Variants in SH3BGRL2 observed in about 807,000 individuals in gnomAD.
SH3BGRL2 encodes the protein SH3 domain binding glutamate rich protein like 2, also known as SH3 domain-binding glutamic acid-rich-like protein 2.
SH3BGRL2 carries 21 observed loss-of-function variants against 14.8 expected under a neutral mutation model. The observed-to-expected ratio is 1.42, with a 90% CI of 1.01 to 2.05. The LOEUF (loss-of-function observed/expected upper bound fraction) is 2.05. Among genes scored for constraint, SH3BGRL2 ranks in the 30% most tolerant of loss-of-function variants. The pLI is 0.00. For missense variants in SH3BGRL2, 147 were observed against 130.8 expected (o/e 1.12, Z -0.61); for synonymous variants, 50 against 47.8 (o/e 1.05, Z -0.19).
the SH3BGRL2 span, among the ~76,000 whole-genome samples, chr6:79,586,286 G>A: frequency 1.9e-4 from 11 of 56,886 alleles, no homozygotes; most frequent in Non-Finnish European, 3.3e-5. Flanking sequence ...GTTAATGTTA[G>A]TGTATTTTAC....
the SH3BGRL2 span, among the ~76,000 whole-genome samples, chr6:79,547,817 C>T: frequency 2.6e-5 from 4 of 152,184 alleles, no homozygotes; most frequent in Admixed American, 6.5e-5. Flanking sequence ...TAATACCCTA[C>T]TAAGCTGAGA....
the SH3BGRL2 span, among the ~76,000 whole-genome samples, chr6:79,572,442 T>TTTTTA: frequency 5.0e-3 from 761 of 151,010 alleles, 6 homozygotes; most frequent in African/African-American, 0.015. Flanking sequence ...ATGGCATCTA[T>TTTTTA]TTTTATTTTA....
chr6:79,673,937 G>A (rs1769829875), intron 2 of SH3BGRL2, 138 bp downstream of exon 2: 11 of 881,310 alleles, frequency 1.2e-5, no homozygotes, highest in South Asian at 8.8e-5. Context: ...TCTAACAGAG[G>A]GTGAAGTTGA....
the SH3BGRL2 span, among the ~76,000 whole-genome samples, chr6:79,590,434 T>TATATAG: frequency 1.2e-5 from 1 of 84,340 alleles, no homozygotes; most frequent in Non-Finnish European, 2.6e-5. Context: ...GATATATATA[T>TATATAG]ATATATATAT....
chr6:79,591,593 A>G, the SH3BGRL2 span, among the ~76,000 whole-genome samples: 60 of 152,218 alleles, frequency 3.9e-4, no homozygotes, highest in African/African-American at 1.4e-3. Context: ...ATTTTCGTAG[A>G]GACGGGGTTT....
At chr6:79,575,416 G>C in the SH3BGRL2 span, 1 of 152,060 alleles carries the variant, frequency 6.6e-6, no homozygotes, top group Non-Finnish European at 1.5e-5. Context: ...CAATTTTTAA[G>C]CTAAGAAGAC....
chr6:79,638,753 A>C (rs1284046633), intron 1 of SH3BGRL2, among the ~76,000 whole-genome samples: 1 of 152,112 alleles, frequency 6.6e-6, no homozygotes, highest in Admixed American at 6.5e-5. Flanking sequence ...TTCTTTTGAG[A>C]GCTATCTGTT....
At chr6:79,654,976 A>G (rs1301766606) in intron 1 of SH3BGRL2, among the ~76,000 whole-genome samples, 1 of 152,198 alleles carries the variant, frequency 6.6e-6, no homozygotes, top group African/African-American at 2.4e-5. Flanking sequence ...TAATTCATTA[A>G]AAGTGTAATT....
chr6:79,606,968 G>T, the SH3BGRL2 span, among the ~76,000 whole-genome samples: 1 of 152,080 alleles, frequency 6.6e-6, no homozygotes, highest in Non-Finnish European at 1.5e-5. Context: ...TATTAGAATA[G>T]AAACACTCCT....
At chr6:79,560,865 CTCTTTTT>C in the SH3BGRL2 span, among the ~76,000 whole-genome samples, 3 of 112,102 alleles carry the variant, frequency 2.7e-5, no homozygotes, top group Non-Finnish European at 5.4e-5. Context: ...TAACAATACA[CTCTTTTT>C]TTTTTTTTTT....
chr6:79,564,533 C>T, the SH3BGRL2 span, among the ~76,000 whole-genome samples: 1 of 152,162 alleles, frequency 6.6e-6, no homozygotes, highest in East Asian at 1.9e-4. Context: ...GGATTTGATC[C>T]TGAGCTATCT....
At chr6:79,643,894 G>T (rs115660332) in intron 1 of SH3BGRL2, among the ~76,000 whole-genome samples, 8 of 152,294 alleles carry the variant, frequency 5.3e-5, no homozygotes, top group African/African-American at 1.4e-4. Context: ...GATTTCCTTC[G>T]AATGTGATTC....
At chr6:79,641,683 C>A (rs2127724015) in intron 1 of SH3BGRL2, among the ~76,000 whole-genome samples, 1 of 152,262 alleles carries the variant, frequency 6.6e-6, no homozygotes, top group East Asian at 1.9e-4. Context: ...CCATGACATA[C>A]TGAGAACTCA....
the SH3BGRL2 span, among the ~76,000 whole-genome samples, chr6:79,612,158 G>A: frequency 1.3e-5 from 2 of 152,096 alleles, no homozygotes; most frequent in East Asian, 1.9e-4. Context: ...TTAGCTGGGC[G>A]TGGTGGGGTT....
rs778181833 is a variant in SH3BGRL2, at chr6:79,631,440, C to A, written c.-22C>A. 9.2e-6 allele frequency: 14 copies of A among 1,515,628 alleles called. No individual in the cohort carries two copies. The highest frequency in any genetic ancestry group is 1.4e-5 in the African/African-American group (1 of 69,808). 93.9% of individuals were successfully genotyped at this position (1,515,628 alleles called of 1,614,324 possible). A position where few individuals can be genotyped will look rare whatever the true frequency, so the allele number is the denominator to read the frequency against. ...GCCCGGAGCCCGGGGGGCAAGGGGT[C>A]TGTCCCGGGCGCAGCGAGAGGATGG... is the stretch of plus-strand genomic sequence containing the variant. On this transcript the variant is annotated 5_prime_UTR_variant, in exon 1 of 4. It adds an upstream start codon to the 5' untranslated region. Coordinates refer to ENST00000369838, the MANE Select transcript of SH3BGRL2 (RefSeq NM_031469.4).
the SH3BGRL2 span, among the ~76,000 whole-genome samples, chr6:79,555,918 A>G: frequency 6.6e-6 from 1 of 152,234 alleles, no homozygotes; most frequent in Non-Finnish European, 1.5e-5. Flanking sequence ...CAACATAAAA[A>G]TAAAAATATA....
At chr6:79,691,516 C>T (rs1415246819) in intron 2 of SH3BGRL2, among the ~76,000 whole-genome samples, 1 of 118,492 alleles carries the variant, frequency 8.4e-6, no homozygotes, top group African/African-American at 3.4e-5. Flanking sequence ...TCCCCACACC[C>T]CACAACAGTC....
chr6:79,539,115 T>C, the SH3BGRL2 span, among the ~76,000 whole-genome samples: 1 of 152,198 alleles, frequency 6.6e-6, no homozygotes, highest in Non-Finnish European at 1.5e-5. Flanking sequence ...TGTGCAATTT[T>C]ATTCACCCCC....
chr6:79,570,474 A>G, the SH3BGRL2 span, among the ~76,000 whole-genome samples: 2 of 152,216 alleles, frequency 1.3e-5, no homozygotes, highest in East Asian at 1.9e-4. Context: ...ACAGAAATAT[A>G]AAAGGTAAAG....
Sources: allele counts gnomAD v4.1 joint callset (sites outside exome capture counted in the v4.1 genomes callset), GRCh38; gene constraint gnomAD v4.1.1; transcripts MANE v1.5; gene names NCBI Gene and HGNC (gene_info 2026-07-23, HGNC 2026-07-21).